Variants in WDR72 observed in about 807,000 individuals in gnomAD.
WDR72 encodes WD repeat domain 72.
WDR72 carries 120 observed loss-of-function variants against 124.2 expected under a neutral mutation model. The observed-to-expected ratio is 0.97, with a 90% CI of 0.83 to 1.12. WDR72 has a LOEUF of 1.12. WDR72 is among the 50% of genes most tolerant of loss of function. The pLI, the probability that WDR72 is intolerant of heterozygous loss-of-function variation, is 0.00. For synonymous variants in WDR72, 452 were observed against 441.7 expected, an observed-to-expected ratio of 1.02 and a Z score of -0.29; for missense variants, 1,387 against 1,278.8, an observed-to-expected ratio of 1.08 and a Z score of -1.29.
chr15:53,684,966 G>A (rs1001885324), intron 13 of WDR72, among the ~76,000 whole-genome samples: 32 of 152,246 alleles, frequency 2.1e-4, no homozygotes, highest in South Asian at 6.2e-4. Flanking sequence ...CACCTCACAA[G>A]GCAAGGTATT....
chr15:53,674,017 A>T (rs1038235440), intron 13 of WDR72, among the ~76,000 whole-genome samples: 1 of 152,176 alleles, frequency 6.6e-6, no homozygotes, highest in East Asian at 1.9e-4. Flanking sequence ...ATATATATTC[A>T]TCACTAATCA....
intron 13 of WDR72, among the ~76,000 whole-genome samples, chr15:53,674,212 C>A (rs2016088027): frequency 6.6e-6 from 1 of 152,114 alleles, no homozygotes; most frequent in Non-Finnish European, 1.5e-5. Context: ...GTGACTCTCT[C>A]TGAAACAGAG....
At chr15:53,722,604 G>T (rs2017908292) in intron 3 of WDR72, among the ~76,000 whole-genome samples, 198 bp downstream of exon 3, 1 of 152,176 alleles carries the variant, frequency 6.6e-6, no homozygotes, top group Non-Finnish European at 1.5e-5. Flanking sequence ...AGAGTATTGA[G>T]TGAGGGTTCA....
At chr15:53,732,628 G>C (rs972282184) in intron 2 of WDR72, among the ~76,000 whole-genome samples, 2 of 152,052 alleles carry the variant, frequency 1.3e-5, no homozygotes, top group Non-Finnish European at 2.9e-5. Context: ...GTTAATCGTG[G>C]CTTTCAAGGG....
chr15:53,700,094 G>T, intron 12 of WDR72, 149 bp from the exon 13 acceptor site: 2 of 875,872 alleles, frequency 2.3e-6, no homozygotes, highest in Non-Finnish European at 3.6e-6. Flanking sequence ...CACCTTTCAT[G>T]TAACCCTCTA....
intron 14 of WDR72, among the ~76,000 whole-genome samples, chr15:53,616,933 A>C (rs1158571414): frequency 2.0e-5 from 3 of 151,766 alleles, no homozygotes; most frequent in Non-Finnish European, 4.4e-5. Flanking sequence ...TGAAAAATTT[A>C]TTTCTTTATT....
chr15:53,619,337 T>C (rs1224511244), intron 14 of WDR72, among the ~76,000 whole-genome samples: 1 of 150,872 alleles, frequency 6.6e-6, no homozygotes, highest in Non-Finnish European at 1.5e-5. Context: ...TATGTGACAG[T>C]GCACTCTTTA....
In WDR72 at chr15:53,705,120, C is replaced by T. The variant is rs2017311363; in HGVS notation, c.1216G>A (p.Val406Ile). Residue 406 changes from valine to isoleucine, a missense_variant, in exon 11 of 20, where the codon GTA (valine) becomes ATA (isoleucine). By Grantham distance (29) the Val-to-Ile change is conservative (BLOSUM62 3). Coordinates refer to ENST00000360509, the MANE Select transcript of WDR72 (RefSeq NM_182758.4). Reference sequence around the variant, plus strand: ...GGAATATACTCTGATGAAGTGACTACAGCAGTTCCTGCCCCATCTTTAAGC... The same window carrying T: ...GGAATATACTCTGATGAAGTGACTATAGCAGTTCCTGCCCCATCTTTAAGC... ...SGLKDGAGTA[V>I]VTSSEYIPSL... 4.3e-6 allele frequency: 7 copies of T among 1,614,132 alleles called. No homozygotes were observed. Among genetic ancestry groups the T allele is most frequent in the Non-Finnish European group, 5.9e-6 (7 of 1,180,022 alleles).
Position 53,715,214 on chromosome 15 carries a change from C to A in WDR72, c.493G>T (p.Val165Phe), listed in dbSNP as rs774612790. 3.7e-6 allele frequency: 6 copies of A among 1,614,048 alleles called. No homozygotes were observed. The highest frequency in any genetic ancestry group is 1.6e-4 in the Middle Eastern group (1 of 6,062). The change falls in exon 5 of 20, where the codon GTT (valine) becomes TTT (phenylalanine). Residue 165 changes from valine to phenylalanine, a missense_variant. Physicochemically the swap from Val to Phe is conservative, Grantham distance 50. Coordinates refer to ENST00000360509, the MANE Select transcript of WDR72 (RefSeq NM_182758.4). ...FPDWINCMCI[V>F]HSMRIQEDSL... is the part of the protein sequence containing the mutation. ...TTACCTTGAATTCTCATGGAGTGAA[C>A]AATGCACATGCAGTTGATCCAGTCA... is the stretch of plus-strand genomic sequence containing the variant.
chr15:53,635,462 A>G (rs1407007693), intron 14 of WDR72, among the ~76,000 whole-genome samples: 1 of 152,216 alleles, frequency 6.6e-6, no homozygotes, highest in African/African-American at 2.4e-5. Flanking sequence ...AGCTTTGGGA[A>G]TTCCTATTCT....
chr15:53,583,246 G>T (rs2140320368), intron 18 of WDR72, among the ~76,000 whole-genome samples: 1 of 151,884 alleles, frequency 6.6e-6, no homozygotes, highest in South Asian at 2.1e-4. Context: ...TATGAAAAAA[G>T]AAACAAAAAA....
intron 13 of WDR72, among the ~76,000 whole-genome samples, chr15:53,678,837 GAATA>G (rs1434771006): frequency 3.3e-5 from 5 of 152,110 alleles, no homozygotes; most frequent in African/African-American, 1.2e-4. Flanking sequence ...ACAACGATAT[GAATA>G]GATATTTGTA....
At chr15:53,745,101 A>G (rs1595886706) in intron 1 of WDR72, among the ~76,000 whole-genome samples, 1 of 151,182 alleles carries the variant, frequency 6.6e-6, no homozygotes, top group African/African-American at 2.4e-5. Flanking sequence ...TTCCTTTCCC[A>G]CACCTTAGTA....
chr15:53,734,571 G>A (rs937426879), intron 1 of WDR72, among the ~76,000 whole-genome samples: 5 of 152,092 alleles, frequency 3.3e-5, no homozygotes, highest in African/African-American at 9.7e-5. Flanking sequence ...CCCAAGCAGT[G>A]AAAAACTAAG....
At chr15:53,537,490 T>C (rs1174870036) in intron 18 of WDR72, among the ~76,000 whole-genome samples, 1 of 152,172 alleles carries the variant, frequency 6.6e-6, no homozygotes, top group East Asian at 1.9e-4. Context: ...CCAGTTCAAA[T>C]ACAATCCTGG....
intron 13 of WDR72, among the ~76,000 whole-genome samples, chr15:53,675,933 A>G (rs2016157863): frequency 6.6e-6 from 1 of 152,208 alleles, no homozygotes; most frequent in Non-Finnish European, 1.5e-5. Flanking sequence ...AACTGCCATC[A>G]GTTTTCCCTT....
intron 18 of WDR72, among the ~76,000 whole-genome samples, chr15:53,577,402 CTCAG>C (rs2011672737): frequency 6.6e-6 from 1 of 152,092 alleles, no homozygotes; most frequent in South Asian, 2.1e-4. Flanking sequence ...ACCCCATTAT[CTCAG>C]TCAATCAAAG....
intron 4 of WDR72, among the ~76,000 whole-genome samples, chr15:53,716,051 C>T (rs1436042460): frequency 6.6e-6 from 1 of 152,104 alleles, no homozygotes; most frequent in Non-Finnish European, 1.5e-5. Flanking sequence ...TTACAATGCA[C>T]ATCAGCAACA....
chr15:53,691,353 A>G (rs1055441023), intron 13 of WDR72, among the ~76,000 whole-genome samples: 1 of 152,060 alleles, frequency 6.6e-6, no homozygotes, highest in African/African-American at 2.4e-5. Context: ...GTCCAGCCCT[A>G]TGTCCTCTGC....
Sources: gnomAD v4.1 joint callset for allele counts (sites outside exome capture counted in the v4.1 genomes callset) on GRCh38, gnomAD v4.1.1 for gene constraint, MANE v1.5 for transcripts, NCBI Gene and HGNC (gene_info 2026-07-23, HGNC 2026-07-21) for gene names.